TFCP2L1: variants seen among roughly 807,000 people sequenced by gnomAD.
TFCP2L1 encodes transcription factor CP2 like 1, also known as transcription factor CP2-like protein 1.
In TFCP2L1, 12 loss-of-function variants were observed where a neutral mutation model predicts 72.2. The ratio of observed to expected loss-of-function variants is 0.17; its 90% CI spans 0.11 to 0.27. The LOEUF is 0.27. Ranked by LOEUF, TFCP2L1 falls within the 10% of genes least tolerant of loss-of-function variation. TFCP2L1 has a pLI of 1.00. For missense variants in TFCP2L1, 488 were observed against 624.6 expected, an observed-to-expected ratio of 0.78 and a Z score of 2.33; for synonymous variants, 260 against 251.0, an observed-to-expected ratio of 1.04 and a Z score of -0.34.
At chr2:121,242,262 T>A (rs1220122900) in intron 7 of TFCP2L1, 97 bp downstream of exon 7, 2 of 1,023,322 alleles carry the variant, frequency 2.0e-6, no homozygotes, top group Non-Finnish European at 3.0e-6. Context: ...TCAGAAGTAG[T>A]CACCCGAGAT....
chr2:121,284,858 C>G (rs146868051), intron 1 of TFCP2L1, among the ~76,000 whole-genome samples, 190 bp downstream of exon 1: 2,107 of 152,220 alleles, frequency 0.014, 48 homozygotes, highest in African/African-American at 0.047. Context: ...CAACTCCGCA[C>G]GTCGGGTCCC....
chr2:121,223,969 T>G lies in TFCP2L1; in HGVS notation c.*372A>C. On this transcript the variant is annotated 3_prime_UTR_variant, in exon 15 of 15. Transcript: ENST00000263707. ...GCTTTCTCTGGAGGCAGGAGAGTGG[T>G]CAGAAGGGACCAATACAGGCAGCAC... 1 of 243,864 alleles carries G rather than the reference T, an allele frequency of 4.1e-6. No homozygotes were observed. The highest frequency in any genetic ancestry group is 8.0e-6 in the Non-Finnish European group (1 of 125,006). The allele number at this position is 243,864 out of a possible 1,614,324, so 15.1% of individuals were successfully genotyped here.
At chr2:121,278,029 CTTTTT>C (rs530823906) in intron 2 of TFCP2L1, among the ~76,000 whole-genome samples, 5 of 122,752 alleles carry the variant, frequency 4.1e-5, no homozygotes, top group Admixed American at 8.7e-5. Context: ...CTTTTTCTCT[CTTTTT>C]TTTTTTTTTT....
chr2:121,275,936 T>C (rs1351585989), intron 2 of TFCP2L1, among the ~76,000 whole-genome samples: 1 of 152,184 alleles, frequency 6.6e-6, no homozygotes, highest in Non-Finnish European at 1.5e-5. Flanking sequence ...CTAAAAAGAA[T>C]ACTGAGAGGA....
chr2:121,273,096 A>C (rs1295853311), intron 2 of TFCP2L1, among the ~76,000 whole-genome samples: 2 of 152,168 alleles, frequency 1.3e-5, no homozygotes, highest in Non-Finnish European at 2.9e-5. Flanking sequence ...TCTTCCAACC[A>C]ATAGGAAATT....
intron 2 of TFCP2L1, among the ~76,000 whole-genome samples, chr2:121,264,743 T>C (rs1239767309): frequency 6.6e-6 from 1 of 152,140 alleles, no homozygotes; most frequent in Non-Finnish European, 1.5e-5. Context: ...GGGCCCAGCT[T>C]TGGGACACTC....
intron 1 of TFCP2L1, 144 bp from the exon 2 acceptor site, chr2:121,281,415 G>T: frequency 1.2e-6 from 1 of 850,214 alleles, no homozygotes; most frequent in Non-Finnish European, 1.8e-6. Context: ...CTGCACTCCT[G>T]CAACCCTCGA....
chr2:121,247,061 T>C, intron 5 of TFCP2L1, 91 bp from the exon 6 acceptor site: 1 of 1,497,158 alleles, frequency 6.7e-7, no homozygotes, highest in Admixed American at 1.9e-5. Flanking sequence ...GAGGTGTCCT[T>C]CCCTGCTTGG....
chr2:121,249,277 TG>T (rs1403817726), intron 3 of TFCP2L1, among the ~76,000 whole-genome samples, 190 bp from the exon 4 acceptor site: 1 of 152,152 alleles, frequency 6.6e-6, no homozygotes, highest in African/African-American at 2.4e-5. Context: ...GCAACAACAG[TG>T]ATGACTACCA....
chr2:121,258,569 T>G (rs1429567012), intron 2 of TFCP2L1, among the ~76,000 whole-genome samples: 2 of 152,168 alleles, frequency 1.3e-5, no homozygotes, highest in African/African-American at 4.8e-5. Context: ...ATCACCTACT[T>G]CTTGTCCCTG....
chr2:121,268,542 C>A (rs1287763905), intron 2 of TFCP2L1, among the ~76,000 whole-genome samples: 1 of 151,680 alleles, frequency 6.6e-6, no homozygotes, highest in Non-Finnish European at 1.5e-5. Context: ...TTTTATATGG[C>A]CAAAATAAAG....
In TFCP2L1 at chr2:121,226,626, C is replaced by G. The variant is rs1686036594; in HGVS notation, c.1342-1013G>C. On this transcript the variant is annotated intron_variant, in intron 13 of 14. Transcript: ENST00000263707. ...ATGTGGCAGGAAACTAACAACTCTGCTCAGGAGCCTCCTCTCTGGAGTTCT... is the reference window on the plus strand; with the variant it reads ...ATGTGGCAGGAAACTAACAACTCTGGTCAGGAGCCTCCTCTCTGGAGTTCT... 2.6e-5 allele frequency among the ~76,000 whole-genome samples: 4 copies of G among 152,282 alleles called. No individual in the cohort carries two copies. The South Asian group carries it at 8.3e-4, about 32-fold the overall frequency.
intron 2 of TFCP2L1, among the ~76,000 whole-genome samples, chr2:121,272,368 A>G (rs1368054361): frequency 6.6e-6 from 1 of 152,194 alleles, no homozygotes; most frequent in East Asian, 1.9e-4. Context: ...ACCCTCCTTA[A>G]CATGATAGTT....
At chr2:121,261,348 G>C (rs1353770718) in intron 2 of TFCP2L1, among the ~76,000 whole-genome samples, 1 of 152,134 alleles carries the variant, frequency 6.6e-6, no homozygotes, top group Non-Finnish European at 1.5e-5. Flanking sequence ...TACAGAGCTG[G>C]GGCAGGCAGA....
At chr2:121,269,582 G>C (rs954599095) in intron 2 of TFCP2L1, among the ~76,000 whole-genome samples, 11 of 152,068 alleles carry the variant, frequency 7.2e-5, no homozygotes, top group African/African-American at 2.7e-4. Flanking sequence ...CCAACATAGA[G>C]ACCCTTTCTC....
chr2:121,228,979 G>A (rs545587819), intron 13 of TFCP2L1, among the ~76,000 whole-genome samples: 45 of 152,120 alleles, frequency 3.0e-4, no homozygotes, highest in African/African-American at 1.0e-3. Context: ...GAGTGCAGTG[G>A]CACAATCTCA....
At chr2:121,241,683 T>C (rs995278202) in intron 7 of TFCP2L1, among the ~76,000 whole-genome samples, 1 of 151,840 alleles carries the variant, frequency 6.6e-6, no homozygotes, top group Non-Finnish European at 1.5e-5. Flanking sequence ...AACCTGCCAA[T>C]TGCTTCCCAT....
At chr2:121,273,407 A>G (rs1173109163) in intron 2 of TFCP2L1, among the ~76,000 whole-genome samples, 7 of 152,208 alleles carry the variant, frequency 4.6e-5, no homozygotes, top group African/African-American at 1.4e-4. Flanking sequence ...ACTGACAAAG[A>G]GGAAGTTATC....
At chr2:121,235,715 T>C (rs1686235226) in intron 10 of TFCP2L1, among the ~76,000 whole-genome samples, 1 of 151,414 alleles carries the variant, frequency 6.6e-6, no homozygotes, top group South Asian at 2.1e-4. Context: ...TCACTGCATC[T>C]GGCCTCTTCT....
Sources: gnomAD v4.1 joint callset for allele counts (sites outside exome capture counted in the v4.1 genomes callset) on GRCh38, gnomAD v4.1.1 for gene constraint, MANE v1.5 for transcripts, NCBI Gene and HGNC (gene_info 2026-07-23, HGNC 2026-07-21) for gene names.